AKAP19: variants seen among roughly 807,000 people sequenced by gnomAD.
AKAP19 encodes the protein small A-kinase anchoring protein.
At chr2:190,085,311 A>G in the AKAP19 span, among the ~76,000 whole-genome samples, 2 of 152,246 alleles carry the variant, frequency 1.3e-5, no homozygotes, top group Non-Finnish European at 2.9e-5. Flanking sequence ...TTTATATGCA[A>G]ATAACAGTGT....
the AKAP19 span, among the ~76,000 whole-genome samples, chr2:190,031,824 T>A: frequency 6.6e-6 from 1 of 152,218 alleles, no homozygotes; most frequent in Non-Finnish European, 1.5e-5. Context: ...TTATGCTTAG[T>A]AAATTGGACA....
chr2:190,110,011 G>A, the AKAP19 span, among the ~76,000 whole-genome samples: 1 of 152,166 alleles, frequency 6.6e-6, no homozygotes, highest in Admixed American at 6.5e-5. Context: ...TGATTCAGTA[G>A]GTCTGGGGTA....
chr2:190,173,120 A>AAAAAAT, the AKAP19 span, among the ~76,000 whole-genome samples: 2 of 151,586 alleles, frequency 1.3e-5, no homozygotes, highest in Non-Finnish European at 2.9e-5. Context: ...ATCTCAAAAA[A>AAAAAAT]AATAAAATAA....
At chr2:189,911,222 G>A in the AKAP19 span, among the ~76,000 whole-genome samples, 1 of 152,010 alleles carries the variant, frequency 6.6e-6, no homozygotes, top group African/African-American at 2.4e-5. Context: ...AGTTTTATGG[G>A]ACACAAAAAG....
chr2:190,091,547 A>AACACACACACACACACACAC, the AKAP19 span, among the ~76,000 whole-genome samples: 2,482 of 150,436 alleles, frequency 0.016, 28 homozygotes, highest in Middle Eastern at 0.024. Flanking sequence ...TCTTTTGTTA[A>AACACACACACACACACACAC]ACACACACAC....
chr2:190,045,735 G>GT, the AKAP19 span, among the ~76,000 whole-genome samples: 5 of 152,228 alleles, frequency 3.3e-5, no homozygotes, highest in Non-Finnish European at 7.3e-5. Context: ...AGTGGGGCCT[G>GT]CAGGCTGTCG....
At chr2:190,082,735 G>T in the AKAP19 span, among the ~76,000 whole-genome samples, 21 of 152,248 alleles carry the variant, frequency 1.4e-4, no homozygotes, top group Middle Eastern at 3.4e-3. Flanking sequence ...GGAAGCTAAG[G>T]CACAGAACGT....
chr2:189,925,442 A>G, the AKAP19 span, among the ~76,000 whole-genome samples: 189 of 152,356 alleles, frequency 1.2e-3, no homozygotes, highest in Non-Finnish European at 2.4e-3. Context: ...TTTGTCTTAT[A>G]CAAGTGATAG....
At chr2:189,951,778 A>C in the AKAP19 span, among the ~76,000 whole-genome samples, 1 of 152,244 alleles carries the variant, frequency 6.6e-6, no homozygotes, top group Admixed American at 6.5e-5. Flanking sequence ...ATGCCACCCC[A>C]AAATATGTCA....
At chr2:190,101,653 A>G in the AKAP19 span, among the ~76,000 whole-genome samples, 4 of 151,946 alleles carry the variant, frequency 2.6e-5, no homozygotes, top group Non-Finnish European at 5.9e-5. Context: ...TGTACTCAAC[A>G]TTGGAGCACC....
At chr2:190,189,637 TC>T in the AKAP19 span, 1 of 152,236 alleles carries the variant, frequency 6.6e-6, no homozygotes, top group Admixed American at 6.5e-5. Context: ...GTATTACTAA[TC>T]TATTTCCTTG....
the AKAP19 span, among the ~76,000 whole-genome samples, chr2:189,937,773 G>C: frequency 6.6e-6 from 1 of 152,136 alleles, no homozygotes; most frequent in Non-Finnish European, 1.5e-5. Context: ...TGCTGGCAAG[G>C]ATATGAAGAA....
At chr2:189,957,510 G>C in the AKAP19 span, among the ~76,000 whole-genome samples, 1 of 152,090 alleles carries the variant, frequency 6.6e-6, no homozygotes, top group Non-Finnish European at 1.5e-5. Context: ...TAGTTAGTCA[G>C]CTTGCCACCA....
the AKAP19 span, among the ~76,000 whole-genome samples, chr2:189,997,606 C>T: frequency 6.6e-6 from 1 of 152,118 alleles, no homozygotes; most frequent in East Asian, 1.9e-4. Flanking sequence ...AAGCTGGTCT[C>T]GCTCCCACCA....
chr2:189,896,764 A>T, the AKAP19 span, among the ~76,000 whole-genome samples: 25 of 152,104 alleles, frequency 1.6e-4, no homozygotes, highest in Non-Finnish European at 3.4e-4. Context: ...CTACTTTCAT[A>T]TGCATGTAAG....
chr2:190,191,731 T>A, the AKAP19 span, among the ~76,000 whole-genome samples: 1 of 152,228 alleles, frequency 6.6e-6, no homozygotes, highest in Non-Finnish European at 1.5e-5. Flanking sequence ...ATTGAGCATC[T>A]TTCATGTACT....
the AKAP19 span, chr2:190,090,886 C>G: frequency 6.6e-6 from 1 of 152,214 alleles, no homozygotes; most frequent in Non-Finnish European, 1.5e-5. Context: ...AATGTCCGCT[C>G]TTTTCTGTAG....
At chr2:189,883,967 G>T in the AKAP19 span, among the ~76,000 whole-genome samples, 1 of 152,058 alleles carries the variant, frequency 6.6e-6, no homozygotes, top group Non-Finnish European at 1.5e-5. Context: ...AATTTATAAA[G>T]AACTTAAATA....
the AKAP19 span, among the ~76,000 whole-genome samples, chr2:190,038,971 T>TTTCTTC: frequency 3.0e-5 from 3 of 99,114 alleles, no homozygotes; most frequent in African/African-American, 1.1e-4. Flanking sequence ...CTTCTTCTTC[T>TTTCTTC]TTCTTCTTCT....
Sources: allele counts gnomAD v4.1 joint callset (sites outside exome capture counted in the v4.1 genomes callset), GRCh38; gene constraint gnomAD v4.1.1; transcripts MANE v1.5; gene names NCBI Gene and HGNC (gene_info 2026-07-23, HGNC 2026-07-21).